LHFPL3: variants seen among roughly 807,000 people sequenced by gnomAD.
The protein encoded by LHFPL3 is LHFPL tetraspan subfamily member 3.
LHFPL3 carries 5 observed loss-of-function variants against 19.3 expected under a neutral mutation model. The ratio of observed to expected loss-of-function variants is 0.26; its 90% CI spans 0.14 to 0.54. LHFPL3 has a LOEUF of 0.54. Ranked by LOEUF, LHFPL3 falls within the 20% of genes least tolerant of loss-of-function variation. The probability of loss-of-function intolerance (pLI) is 0.94; values close to 1 mark genes in which losing one functional copy is unlikely to be tolerated. For synonymous variants in LHFPL3, 133 were observed against 126.2 expected (o/e 1.05, Z -0.36); for missense variants, 249 against 307.4 (o/e 0.81, Z 1.42).
chr7:104,490,650 G>A (rs527275387), intron 1 of LHFPL3, among the ~76,000 whole-genome samples: 1 of 152,140 alleles, frequency 6.6e-6, no homozygotes, highest in African/African-American at 2.4e-5. Flanking sequence ...GATCTAAAGC[G>A]ACGGATATCA....
intron 2 of LHFPL3, among the ~76,000 whole-genome samples, chr7:104,804,881 C>G (rs1790324849): frequency 6.6e-6 from 1 of 152,196 alleles, no homozygotes. Flanking sequence ...GACCTAGAAA[C>G]TGAGATAACA....
chr7:104,802,994 G>A (rs1469746179), intron 2 of LHFPL3: 1 of 152,266 alleles, frequency 6.6e-6, no homozygotes, highest in Non-Finnish European at 1.5e-5. Context: ...AAACTCCAAA[G>A]CTTGTCCCAG....
chr7:104,883,033 C>T (rs946041267), intron 2 of LHFPL3, among the ~76,000 whole-genome samples: 15 of 152,290 alleles, frequency 9.8e-5, no homozygotes, highest in African/African-American at 3.4e-4. Flanking sequence ...CAATGTTTAT[C>T]GGAAATTTAA....
At chr7:104,480,510 G>C (rs753005668) in intron 1 of LHFPL3, among the ~76,000 whole-genome samples, 1 of 152,160 alleles carries the variant, frequency 6.6e-6, no homozygotes, top group African/African-American at 2.4e-5. Context: ...AATTGGTGTG[G>C]AATATTCTCA....
intron 1 of LHFPL3, among the ~76,000 whole-genome samples, chr7:104,406,199 C>T (rs1183377861): frequency 6.6e-6 from 1 of 152,144 alleles, no homozygotes; most frequent in African/African-American, 2.4e-5. Flanking sequence ...CTGGGATCCA[C>T]GAATGAGGTG....
At chr7:104,864,772 C>G (rs912801521) in intron 2 of LHFPL3, among the ~76,000 whole-genome samples, 3 of 152,230 alleles carry the variant, frequency 2.0e-5, no homozygotes, top group Non-Finnish European at 4.4e-5. Flanking sequence ...AGCTGGAGAT[C>G]TGAGAACAGA....
At chr7:104,531,262 C>T (rs560337376) in intron 1 of LHFPL3, among the ~76,000 whole-genome samples, 5 of 152,328 alleles carry the variant, frequency 3.3e-5, no homozygotes, top group South Asian at 2.1e-4. Context: ...CAGCTCACTT[C>T]GTCAGCTAAG....
intron 1 of LHFPL3, among the ~76,000 whole-genome samples, chr7:104,643,073 T>C (rs6944590): frequency 6.6e-6 from 1 of 152,176 alleles, no homozygotes; most frequent in African/African-American, 2.4e-5. Flanking sequence ...AGAATCAGCT[T>C]TGTTTCTACT....
intron 1 of LHFPL3, among the ~76,000 whole-genome samples, chr7:104,455,451 C>A (rs1792520927): frequency 6.6e-6 from 1 of 152,230 alleles, no homozygotes. Flanking sequence ...CTAGGCGTGG[C>A]AGCTCACACC....
At chr7:104,613,983 T>C (rs1791259287) in intron 1 of LHFPL3, among the ~76,000 whole-genome samples, 1 of 151,846 alleles carries the variant, frequency 6.6e-6, no homozygotes, top group South Asian at 2.1e-4. Flanking sequence ...GACTGGGAGA[T>C]AGGGGCAGTG....
rs541217817 is a variant in LHFPL3 at position 104,648,116 on chromosome 7, C to A, written c.446-88559C>A. Among the ~76,000 whole-genome samples the A allele has an allele frequency of 7.9e-5, 12 of 152,328 alleles. 1 individual carries two copies. In the South Asian group the frequency reaches 2.3e-3, roughly 29 times the overall value. ...CAGCTTCTTTACTGACTAGGCCGGG[C>A]CATTTCCATCTATAGATCAAAGCAT... On this transcript the variant is annotated intron_variant, in intron 1 of 2. Transcript: ENST00000424859.
intron 1 of LHFPL3, among the ~76,000 whole-genome samples, chr7:104,610,387 A>G (rs892091465): frequency 1.3e-5 from 2 of 152,152 alleles, no homozygotes; most frequent in African/African-American, 4.8e-5. Context: ...TGAGTTTTCC[A>G]GAGAAACAGA....
intron 2 of LHFPL3, among the ~76,000 whole-genome samples, chr7:104,894,304 C>T (rs960684324): frequency 6.6e-6 from 1 of 152,140 alleles, no homozygotes; most frequent in Non-Finnish European, 1.5e-5. Context: ...TAGCACAATG[C>T]CTGGCTAACA....
rs540158228 is a variant in LHFPL3, at chr7:104,337,471, C to T, written c.445+8247C>T. 5.9e-5 allele frequency among the ~76,000 whole-genome samples: 9 copies of T among 151,978 alleles called. No homozygotes were observed. In the South Asian group the frequency reaches 1.9e-3, roughly 32 times the overall value. ...TAAGAAAGAAAAATTATGGCTTCAC[C>T]CCCAGTCAGGGAATTATAATAGACT... On this transcript the variant is annotated intron_variant, in intron 1 of 2. Coordinates refer to ENST00000424859, the MANE Select transcript of LHFPL3 (RefSeq NM_199000.3).
At chr7:104,436,018 GTAA>G in intron 1 of LHFPL3, among the ~76,000 whole-genome samples, 1 of 152,102 alleles carries the variant, frequency 6.6e-6, no homozygotes, top group Middle Eastern at 3.4e-3. Context: ...TATAGTAGTA[GTAA>G]TAATAAAAAT....
At chr7:104,728,402 T>C (rs556394016) in intron 1 of LHFPL3, among the ~76,000 whole-genome samples, 41 of 152,310 alleles carry the variant, frequency 2.7e-4, no homozygotes, top group Admixed American at 2.0e-3. Flanking sequence ...TAACCTGCCA[T>C]GATACATAAC....
chr7:104,813,414 G>A (rs1187713605), intron 2 of LHFPL3, among the ~76,000 whole-genome samples: 4 of 152,222 alleles, frequency 2.6e-5, no homozygotes, highest in East Asian at 3.8e-4. Context: ...AGTGTTATGG[G>A]ATCTTTGGGG....
chr7:104,681,131 T>A (rs1342776250), intron 1 of LHFPL3, among the ~76,000 whole-genome samples: 1 of 150,566 alleles, frequency 6.6e-6, no homozygotes, highest in African/African-American at 2.4e-5. Context: ...ACATACCTTT[T>A]GGTTTTTTGT....
intron 1 of LHFPL3, among the ~76,000 whole-genome samples, chr7:104,511,896 A>G (rs1793820746): frequency 6.6e-6 from 1 of 151,656 alleles, no homozygotes; most frequent in South Asian, 2.1e-4. Context: ...CTGAGAAACT[A>G]GAGTGACTGG....
Sources: gnomAD v4.1 joint callset for allele counts (sites outside exome capture counted in the v4.1 genomes callset) on GRCh38, gnomAD v4.1.1 for gene constraint, MANE v1.5 for transcripts, NCBI Gene and HGNC (gene_info 2026-07-23, HGNC 2026-07-21) for gene names.